The following TMEM68 variants were observed in gnomAD, a reference collection of about 807,000 sequenced individuals.
The protein encoded by TMEM68 is DGAT1/2-independent enzyme synthesizing storage lipids.
TMEM68 carries 25 observed loss-of-function variants against 36.9 expected under a neutral mutation model. That is an observed-to-expected ratio of 0.68 (90% CI 0.49 to 0.95). The LOEUF is 0.95. Ranked by LOEUF, TMEM68 falls within the 40% of genes least tolerant of loss-of-function variation. The pLI is 0.00. For synonymous variants in TMEM68, 131 were observed against 124.4 expected (o/e 1.05, Z -0.35); for missense variants, 333 against 392.0 (o/e 0.85, Z 1.27).
intron 3 of TMEM68, among the ~76,000 whole-genome samples, chr8:55,758,256 C>T (rs1810667082): frequency 6.6e-6 from 1 of 152,160 alleles, no homozygotes; most frequent in Non-Finnish European, 1.5e-5. Context: ...AAGCCAAATC[C>T]AGTTCACTCA....
intron 7 of TMEM68, among the ~76,000 whole-genome samples, chr8:55,740,695 T>A (rs542398196): frequency 9.2e-5 from 14 of 152,198 alleles, no homozygotes; most frequent in Non-Finnish European, 1.8e-4. Context: ...CAGCTATTAG[T>A]AAATTCTAAT....
intron 7 of TMEM68, among the ~76,000 whole-genome samples, chr8:55,741,146 C>T (rs750407357): frequency 1.4e-4 from 21 of 152,056 alleles, no homozygotes; most frequent in Non-Finnish European, 2.4e-4. Context: ...GCAGGAGAAT[C>T]GCTTGAACAC....
chr8:55,745,209 T>C, intron 5 of TMEM68, 88 bp from the exon 6 acceptor site: 1 of 846,286 alleles, frequency 1.2e-6, no homozygotes, highest in South Asian at 2.4e-5. Context: ...ACTTTTTTTT[T>C]TTAAGAAAGA....
chr8:55,772,302 C>T (rs2130065154), intron 1 of TMEM68, among the ~76,000 whole-genome samples: 1 of 152,284 alleles, frequency 6.6e-6, no homozygotes, highest in African/African-American at 2.4e-5. Flanking sequence ...TGAAGAAGTA[C>T]CAATACTATT....
chr8:55,763,082 G>T, intron 2 of TMEM68, 54 bp from the exon 3 acceptor site: 1 of 1,074,622 alleles, frequency 9.3e-7, no homozygotes, highest in Non-Finnish European at 1.3e-6. Flanking sequence ...AAAGTTAAAT[G>T]TTTTACTCTA....
At chr8:55,755,501 A>C (rs1810575537) in intron 4 of TMEM68, among the ~76,000 whole-genome samples, 1 of 151,748 alleles carries the variant, frequency 6.6e-6, no homozygotes, top group Non-Finnish European at 1.5e-5. Flanking sequence ...TGAACTCCTG[A>C]CCTCAGGTGA....
chr8:55,767,805 C>T (rs1037423312), intron 1 of TMEM68, among the ~76,000 whole-genome samples: 3 of 152,072 alleles, frequency 2.0e-5, no homozygotes, highest in Non-Finnish European at 2.9e-5. Flanking sequence ...GGCGTGGTGT[C>T]GCACGCCTAT....
chr8:55,752,828 G>A (rs1350419150), intron 4 of TMEM68, among the ~76,000 whole-genome samples: 2 of 149,706 alleles, frequency 1.3e-5, no homozygotes, highest in Non-Finnish European at 3.0e-5. Context: ...GGGCTCAAGC[G>A]ATCCTCTCAC....
At chr8:55,769,020 A>T (rs796372918) in intron 1 of TMEM68, among the ~76,000 whole-genome samples, 7,836 of 127,042 alleles carry the variant, frequency 0.062, 888 homozygotes, top group East Asian at 0.22. Flanking sequence ...TCTGTCTTTA[A>T]AAAAAAAAAA....
At chr8:55,762,374 A>C (rs1810820695) in intron 3 of TMEM68, 1 of 450,050 alleles carries the variant, frequency 2.2e-6, no homozygotes, top group Admixed American at 4.0e-5. Context: ...TAGATGTTTT[A>C]AATATAAATT....
intron 4 of TMEM68, among the ~76,000 whole-genome samples, chr8:55,752,459 C>A (rs754133683): frequency 6.6e-5 from 10 of 151,410 alleles, no homozygotes; most frequent in African/African-American, 2.4e-4. Context: ...TGGTGGCGCA[C>A]GCTTGTAATC....
chr8:55,743,746 T>C (rs1729958264), intron 6 of TMEM68, 126 bp from the exon 7 acceptor site: 1 of 773,156 alleles, frequency 1.3e-6, no homozygotes. Context: ...TGGCAATTAA[T>C]ACAATTTTTT....
At chr8:55,743,124 A>C (rs1810154040) in intron 7 of TMEM68, among the ~76,000 whole-genome samples, 1 of 152,156 alleles carries the variant, frequency 6.6e-6, no homozygotes. Flanking sequence ...TAACTGTCTC[A>C]GTGCAAATGA....
rs1042144773 is a variant in TMEM68 at position 55,739,850 on chromosome 8, T to C, written c.*282A>G. 3 of 337,402 alleles carry C rather than the reference T, an allele frequency of 8.9e-6. No homozygotes were observed. The highest frequency in any genetic ancestry group is 1.6e-5 in the Non-Finnish European group (3 of 185,746). The allele number at this position is 337,402 out of a possible 1,614,324, so 20.9% of individuals were successfully genotyped here. ...ATGTTTGTTTAACCTAAACTGCTGTTATTAATAAACTTAAGAATCTATATG... is the reference window on the plus strand; with the variant it reads ...ATGTTTGTTTAACCTAAACTGCTGTCATTAATAAACTTAAGAATCTATATG... On this transcript the variant is annotated 3_prime_UTR_variant, in exon 8 of 8. Coordinates refer to ENST00000434581, the MANE Select transcript of TMEM68 (RefSeq NM_001286657.2).
chr8:55,769,893 A>AG (rs1811098664), intron 1 of TMEM68, among the ~76,000 whole-genome samples: 1 of 152,190 alleles, frequency 6.6e-6, no homozygotes, highest in East Asian at 1.9e-4. Context: ...TCCACCTTCC[A>AG]AAGTGCTCGG....
rs1810085350 is a variant in TMEM68 at position 55,741,039 on chromosome 8, G to C, written c.889-821C>G. ...ACCTGAGATCAAGAGTTCGAGAGCAGCCTGACCAACATGGTGAAACCCCGT... is the reference window on the plus strand; with the variant it reads ...ACCTGAGATCAAGAGTTCGAGAGCACCCTGACCAACATGGTGAAACCCCGT... On this transcript the variant is annotated intron_variant, in intron 7 of 7. Coordinates refer to ENST00000434581, the MANE Select transcript of TMEM68 (RefSeq NM_001286657.2). Among the ~76,000 whole-genome samples, 4 of 152,084 alleles carry C rather than the reference G, an allele frequency of 2.6e-5. 1 individual carries two copies. The highest frequency in any genetic ancestry group is 2.6e-4 in the Admixed American group (4 of 15,268).
chr8:55,744,757 G>C (rs1363945928), intron 6 of TMEM68, among the ~76,000 whole-genome samples: 1 of 152,184 alleles, frequency 6.6e-6, no homozygotes, highest in Non-Finnish European at 1.5e-5. Flanking sequence ...TGTTGGGATA[G>C]TTTGTAAATG....
At chr8:55,745,233 T>TG in intron 5 of TMEM68, 112 bp from the exon 6 acceptor site, 1 of 582,006 alleles carries the variant, frequency 1.7e-6, no homozygotes, top group South Asian at 2.9e-5. Flanking sequence ...AAGGCACCTA[T>TG]GGCCATGCCA....
chr8:55,764,819 T>C (rs1810913246), intron 1 of TMEM68, among the ~76,000 whole-genome samples: 1 of 152,212 alleles, frequency 6.6e-6, no homozygotes, highest in Admixed American at 6.5e-5. Flanking sequence ...ACTCTTGTAA[T>C]CCCAGCACTT....
Sources: gnomAD v4.1 joint callset for allele counts (sites outside exome capture counted in the v4.1 genomes callset) on GRCh38, gnomAD v4.1.1 for gene constraint, MANE v1.5 for transcripts, NCBI Gene and HGNC (gene_info 2026-07-23, HGNC 2026-07-21) for gene names.